The following ARB2A variants were observed in gnomAD, a reference collection of about 807,000 sequenced individuals.
ARB2A encodes ARB2 cotranscriptional regulator A, also known as cotranscriptional regulator ARB2A.
the ARB2A span, among the ~76,000 whole-genome samples, chr5:94,077,761 T>C: frequency 6.6e-6 from 1 of 152,212 alleles, no homozygotes; most frequent in Non-Finnish European, 1.5e-5. Context: ...CTGATGTGAA[T>C]TGGGACACAG....
the ARB2A span, among the ~76,000 whole-genome samples, chr5:94,077,271 G>A: frequency 6.6e-6 from 1 of 152,030 alleles, no homozygotes; most frequent in Non-Finnish European, 1.5e-5. Flanking sequence ...TACTCGGGAG[G>A]CTGAGGCAGG....
chr5:94,023,059 G>A, the ARB2A span, among the ~76,000 whole-genome samples: 1 of 152,228 alleles, frequency 6.6e-6, no homozygotes, highest in East Asian at 1.9e-4. Context: ...TGGAAGCAGA[G>A]ATAATCCTTA....
the ARB2A span, among the ~76,000 whole-genome samples, chr5:94,102,645 T>A: frequency 6.6e-6 from 1 of 151,990 alleles, no homozygotes; most frequent in Non-Finnish European, 1.5e-5. Flanking sequence ...AGGTAGACAT[T>A]CAAATTCAGA....
the ARB2A span, among the ~76,000 whole-genome samples, chr5:94,074,932 A>G: frequency 6.6e-6 from 1 of 152,008 alleles, no homozygotes; most frequent in Admixed American, 6.6e-5. Flanking sequence ...CATTATACTT[A>G]TTTATGAATT....
At chr5:93,898,919 T>C in the ARB2A span, among the ~76,000 whole-genome samples, 1 of 152,110 alleles carries the variant, frequency 6.6e-6, no homozygotes, top group African/African-American at 2.4e-5. Flanking sequence ...CAGACAGATA[T>C]TGTTCATATC....
At chr5:94,074,982 A>C in the ARB2A span, among the ~76,000 whole-genome samples, 1 of 152,134 alleles carries the variant, frequency 6.6e-6, no homozygotes, top group African/African-American at 2.4e-5. Context: ...ACAGGAATAC[A>C]GACATCAAGT....
At chr5:94,029,860 C>T in the ARB2A span, among the ~76,000 whole-genome samples, 9 of 152,192 alleles carry the variant, frequency 5.9e-5, no homozygotes, top group Non-Finnish European at 1.2e-4. Context: ...TGTTTTCACT[C>T]TTAAAGACAT....
chr5:94,049,776 G>A, the ARB2A span, among the ~76,000 whole-genome samples: 3 of 152,102 alleles, frequency 2.0e-5, no homozygotes, highest in Admixed American at 6.5e-5. Context: ...AGCCAAGATC[G>A]TGACACTGCA....
the ARB2A span, among the ~76,000 whole-genome samples, chr5:93,756,396 C>T: frequency 1.3e-5 from 2 of 152,326 alleles, no homozygotes; most frequent in East Asian, 3.9e-4. Context: ...TGGAAAGTGC[C>T]ACTGCCTGGC....
chr5:93,986,619 T>C, the ARB2A span, among the ~76,000 whole-genome samples: 2 of 152,198 alleles, frequency 1.3e-5, no homozygotes, highest in African/African-American at 2.4e-5. Flanking sequence ...AGTGTTACTG[T>C]GTCTATGTAG....
the ARB2A span, among the ~76,000 whole-genome samples, chr5:93,935,105 G>A: frequency 3.3e-5 from 5 of 151,922 alleles, no homozygotes; most frequent in Non-Finnish European, 7.4e-5. Context: ...GGCGGGTGAG[G>A]GATAAAAGAC....
chr5:93,929,000 A>AGTCTTTT, the ARB2A span, among the ~76,000 whole-genome samples: 3 of 152,114 alleles, frequency 2.0e-5, no homozygotes, highest in Non-Finnish European at 4.4e-5. Flanking sequence ...CTACAAAAAA[A>AGTCTTTT]AAAGTACTTT....
the ARB2A span, among the ~76,000 whole-genome samples, chr5:93,673,029 A>G: frequency 6.6e-6 from 1 of 152,212 alleles, no homozygotes; most frequent in Non-Finnish European, 1.5e-5. Context: ...TTGTCTCTAG[A>G]TAATGAAATA....
the ARB2A span, among the ~76,000 whole-genome samples, chr5:93,966,622 A>C: frequency 6.6e-6 from 1 of 152,110 alleles, no homozygotes; most frequent in African/African-American, 2.4e-5. Context: ...GTAGGAAAAA[A>C]GCAACCATAG....
the ARB2A span, among the ~76,000 whole-genome samples, chr5:94,038,299 C>G: frequency 8.0e-4 from 121 of 151,998 alleles, no homozygotes; most frequent in Non-Finnish European, 1.5e-3. Flanking sequence ...TTAACAGAAA[C>G]ATTATTTCTT....
chr5:93,812,480 T>C, the ARB2A span, among the ~76,000 whole-genome samples: 1 of 152,104 alleles, frequency 6.6e-6, no homozygotes, highest in Non-Finnish European at 1.5e-5. Flanking sequence ...GAATCCCAAC[T>C]GGAAAGGAGT....
the ARB2A span, among the ~76,000 whole-genome samples, chr5:93,883,411 AT>A: frequency 6.6e-5 from 10 of 151,132 alleles, no homozygotes; most frequent in African/African-American, 2.4e-4. Flanking sequence ...GCAAAAGAGA[AT>A]TTTTTTTAAA....
At chr5:93,777,368 C>G in the ARB2A span, among the ~76,000 whole-genome samples, 3 of 151,916 alleles carry the variant, frequency 2.0e-5, no homozygotes, top group Non-Finnish European at 4.4e-5. Context: ...GACACAAAGC[C>G]TCCAATATTA....
chr5:94,060,085 C>T, the ARB2A span, among the ~76,000 whole-genome samples: 7 of 152,194 alleles, frequency 4.6e-5, no homozygotes, highest in East Asian at 1.9e-4. Flanking sequence ...AGGGGCCAGG[C>T]GCAGTGGCTC....
Sources: gnomAD v4.1 joint callset for allele counts (sites outside exome capture counted in the v4.1 genomes callset) on GRCh38, gnomAD v4.1.1 for gene constraint, MANE v1.5 for transcripts, NCBI Gene and HGNC (gene_info 2026-07-23, HGNC 2026-07-21) for gene names.